BRINP1: variants seen among roughly 807,000 people sequenced by gnomAD.
The protein encoded by BRINP1 is BMP/retinoic acid-inducible neural-specific protein 1.
BRINP1 carries 17 observed loss-of-function variants against 72.9 expected under a neutral mutation model. The ratio of observed to expected loss-of-function variants is 0.23; its 90% confidence interval spans 0.16 to 0.35. The LOEUF (loss-of-function observed/expected upper bound fraction) is 0.35. BRINP1 is among the 10% of genes least tolerant of loss of function. BRINP1 has a pLI of 1.00. For missense variants in BRINP1, 850 were observed against 1,001.6 expected (o/e 0.85, Z 2.04); for synonymous variants, 418 against 378.5 (o/e 1.10, Z -1.21).
chr9:119,317,524 A>G (rs1191720920), intron 1 of BRINP1, among the ~76,000 whole-genome samples: 1 of 152,202 alleles, frequency 6.6e-6, no homozygotes, highest in South Asian at 2.1e-4. Context: ...TGCTATGAAC[A>G]CTGTTGAAAC....
intron 2 of BRINP1, among the ~76,000 whole-genome samples, chr9:119,253,778 G>T (rs1830417713): frequency 1.3e-5 from 2 of 152,214 alleles, no homozygotes; most frequent in African/African-American, 2.4e-5. Flanking sequence ...GTGTCTGTGT[G>T]TACCTGTAAT....
chr9:119,352,336 G>C (rs1264042689), intron 1 of BRINP1, among the ~76,000 whole-genome samples: 1 of 151,710 alleles, frequency 6.6e-6, no homozygotes, highest in Non-Finnish European at 1.5e-5. Context: ...TATTTTTTTT[G>C]AATTGGGAAA....
At chr9:119,302,899 C>T (rs577792312) in intron 2 of BRINP1, among the ~76,000 whole-genome samples, 2 of 152,188 alleles carry the variant, frequency 1.3e-5, no homozygotes, top group South Asian at 2.1e-4. Context: ...ATCTCTCCCC[C>T]ACTACCCTAC....
At chr9:119,322,632 C>T (rs1831199857) in intron 1 of BRINP1, among the ~76,000 whole-genome samples, 1 of 152,124 alleles carries the variant, frequency 6.6e-6, no homozygotes. Context: ...GCCCAGGTGC[C>T]TGAGAAACTG....
intron 5 of BRINP1, among the ~76,000 whole-genome samples, chr9:119,229,738 T>G (rs1024128993): frequency 3.9e-5 from 6 of 152,062 alleles, no homozygotes; most frequent in African/African-American, 1.4e-4. Flanking sequence ...CAGTAGGCCC[T>G]CAGGAAATGG....
intron 7 of BRINP1, among the ~76,000 whole-genome samples, chr9:119,176,170 C>T (rs1829486702): frequency 6.6e-6 from 1 of 152,138 alleles, no homozygotes; most frequent in Non-Finnish European, 1.5e-5. Context: ...GAAAGGACTG[C>T]TCAGAGTCAA....
At chr9:119,235,560 C>T (rs59433323) in intron 5 of BRINP1, among the ~76,000 whole-genome samples, 4,363 of 152,168 alleles carry the variant, frequency 0.029, 194 homozygotes, top group African/African-American at 0.092. Context: ...ATTATGCCTA[C>T]TCTTGTTTGT....
chr9:119,215,921 A>AT (rs1452293044), intron 5 of BRINP1, among the ~76,000 whole-genome samples: 3 of 152,214 alleles, frequency 2.0e-5, no homozygotes, highest in Admixed American at 2.0e-4. Flanking sequence ...TACCTAAGTC[A>AT]TCTCAAGCAA....
intron 2 of BRINP1, among the ~76,000 whole-genome samples, chr9:119,275,584 C>T (rs912425393): frequency 5.3e-5 from 8 of 152,180 alleles, no homozygotes; most frequent in African/African-American, 1.4e-4. Context: ...AATGGACACA[C>T]TGTCAGGTAA....
intron 2 of BRINP1, among the ~76,000 whole-genome samples, chr9:119,259,678 T>G (rs1385487918): frequency 2.0e-5 from 3 of 152,222 alleles, no homozygotes. Flanking sequence ...TTTTTTCCTT[T>G]CAGATCACAA....
At chr9:119,192,774 A>G (rs1045752202) in intron 7 of BRINP1, among the ~76,000 whole-genome samples, 3 of 152,148 alleles carry the variant, frequency 2.0e-5, no homozygotes, top group Non-Finnish European at 4.4e-5. Context: ...TGAAATCAGC[A>G]CAGATAAAGA....
At position 119,368,510 on chromosome 9, in the gene BRINP1, C is replaced by G. The variant is rs1040522128; in HGVS notation, c.-51+546G>C. 6.6e-6 allele frequency among the ~76,000 whole-genome samples: 1 copy of G among 152,068 alleles called. No homozygotes were observed. Among genetic ancestry groups the G allele is most frequent in the African/African-American group, 2.4e-5 (1 of 41,402 alleles). ...TCCTCCCCAAACCCCAAGCCCAGAG[C>G]CCCAAGAGGAAGTCCACAGCGGGTT... On this transcript the variant is annotated intron_variant, in intron 1 of 7. Transcript: ENST00000265922. The surrounding 1 kb of genome is among the most constrained non-coding windows in gnomAD (Gnocchi z 4.7).
chr9:119,257,745 A>T (rs1230069654), intron 2 of BRINP1, among the ~76,000 whole-genome samples: 2 of 152,088 alleles, frequency 1.3e-5, no homozygotes, highest in African/African-American at 4.8e-5. Flanking sequence ...GAAAGAAGGC[A>T]TTTCTCTTGC....
chr9:119,345,084 G>T (rs1331220705), intron 1 of BRINP1, among the ~76,000 whole-genome samples: 4 of 152,174 alleles, frequency 2.6e-5, no homozygotes. Context: ...AAGTGAAATC[G>T]AGAGAGCCGG....
At chr9:119,198,865 G>A (rs1829774542) in intron 7 of BRINP1, among the ~76,000 whole-genome samples, 1 of 151,950 alleles carries the variant, frequency 6.6e-6, no homozygotes, top group African/African-American at 2.4e-5. Context: ...TAGAGATGGG[G>A]TTTCTCCATG....
rs540586974 is a variant in BRINP1 at position 119,184,043 on chromosome 9, C to T, written c.1146-15819G>A. On this transcript the variant is annotated intron_variant, in intron 7 of 7. Transcript: ENST00000265922. ...TTTTTGACTAAATCCCCTGAGCTTA[C>T]AGATTCTATTCCAAACAGGAAGCTA... 4.6e-5 allele frequency among the ~76,000 whole-genome samples: 7 copies of T among 152,156 alleles called. No homozygotes were observed. In the East Asian group the frequency reaches 1.4e-3, roughly 29 times the overall value.
At position 119,196,245 on chromosome 9, in the gene BRINP1, C is replaced by T. The variant is rs553390053; in HGVS notation, c.1145+12474G>A. ...GGACTTAGGACCCACCTCAGTTCTA[C>T]TGAATCAAAAACCCTGGACACAAGG... On this transcript the variant is annotated intron_variant, in intron 7 of 7. Coordinates refer to ENST00000265922, the MANE Select transcript of BRINP1 (RefSeq NM_014618.3). 7.4e-4 allele frequency among the ~76,000 whole-genome samples: 112 copies of T among 152,296 alleles called. No homozygotes were observed. In the South Asian group the frequency reaches 0.014, roughly 19 times the overall value.
chr9:119,241,431 T>C (rs1431154351), intron 4 of BRINP1, among the ~76,000 whole-genome samples: 2 of 152,204 alleles, frequency 1.3e-5, no homozygotes, highest in Admixed American at 6.5e-5. Context: ...GGTTGAGTAA[T>C]AGCAACACAG....
At chr9:119,336,693 C>T (rs752802124) in intron 1 of BRINP1, among the ~76,000 whole-genome samples, 2 of 152,124 alleles carry the variant, frequency 1.3e-5, no homozygotes, top group Non-Finnish European at 2.9e-5. Flanking sequence ...TCTTCCTGGT[C>T]TGCTCTCAGC....
Sources: allele counts gnomAD v4.1 joint callset (sites outside exome capture counted in the v4.1 genomes callset), GRCh38; gene constraint gnomAD v4.1.1; non-coding constraint Gnocchi (gnomAD v3.1); transcripts MANE v1.5; gene names NCBI Gene and HGNC (gene_info 2026-07-23, HGNC 2026-07-21).